Variants in ACYP2 observed in about 807,000 individuals in gnomAD.
ACYP2 encodes the protein acylphosphatase-2.
In ACYP2, 12 loss-of-function variants were observed where a neutral mutation model predicts 11.2. The observed-to-expected ratio is 1.08, with a 90% CI of 0.69 to 1.74. The LOEUF (loss-of-function observed/expected upper bound fraction) is 1.74, where lower values mean the gene tolerates loss of function less well. ACYP2 is among the 40% of genes most tolerant of loss of function. The pLI is 0.00. For missense variants in ACYP2, 134 were observed against 101.9 expected (o/e 1.31, Z -1.35); for synonymous variants, 43 against 32.2 (o/e 1.33, Z -1.13).
intron 6 of ACYP2, among the ~76,000 whole-genome samples, chr2:54,282,165 T>G (rs527265252): frequency 3.3e-5 from 5 of 152,304 alleles, no homozygotes; most frequent in African/African-American, 1.2e-4. Flanking sequence ...TAAAATCTCT[T>G]ATGAAATAAC....
At chr2:54,151,275 A>G (rs1682156768) in intron 6 of ACYP2, among the ~76,000 whole-genome samples, 1 of 152,234 alleles carries the variant, frequency 6.6e-6, no homozygotes, top group Admixed American at 6.5e-5. Flanking sequence ...GAAATGCAAC[A>G]ATGGATTTTG....
At chr2:54,245,597 C>T (rs990302951) in intron 6 of ACYP2, among the ~76,000 whole-genome samples, 19 of 150,886 alleles carry the variant, frequency 1.3e-4, no homozygotes, top group African/African-American at 4.4e-4. Context: ...TTTTGATTGG[C>T]ATTTCCTTCA....
intron 4 of ACYP2, among the ~76,000 whole-genome samples, chr2:54,074,487 C>T (rs1677221847): frequency 6.6e-6 from 1 of 151,966 alleles, no homozygotes; most frequent in Non-Finnish European, 1.5e-5. Context: ...GATGGTTGCA[C>T]AACTCTGTGA....
chr2:54,064,519 G>A (rs937939935), intron 4 of ACYP2, among the ~76,000 whole-genome samples: 1 of 152,120 alleles, frequency 6.6e-6, no homozygotes, highest in African/African-American at 2.4e-5. Flanking sequence ...CTTCCTAGTG[G>A]TAATATCTTT....
intron 2 of ACYP2, among the ~76,000 whole-genome samples, chr2:54,010,496 A>C (rs1673300657): frequency 6.6e-6 from 1 of 152,088 alleles, no homozygotes; most frequent in African/African-American, 2.4e-5. Context: ...AAAAAAAAAA[A>C]AAGTCATGAA....
rs1341498610 is a variant in ACYP2 at position 54,106,097 on chromosome 2, A to G, written c.278-29356A>G. Among the ~76,000 whole-genome samples the G allele has an allele frequency of 2.6e-5, 4 of 152,322 alleles. No homozygotes were observed. In the East Asian group the frequency reaches 7.7e-4, roughly 29 times the overall value. The stretch of plus-strand genomic sequence containing the variant: ...TAATAATCATAAAATGCCACTGCAA[A>G]TGTAAGTTAATGTACTATTCATGGA... On this transcript the variant is annotated intron_variant, in intron 4 of 6. Coordinates refer to ENST00000607452, the MANE Select transcript of ACYP2 (RefSeq NM_001320586.2).
intron 6 of ACYP2, among the ~76,000 whole-genome samples, chr2:54,199,891 G>A (rs1684685859): frequency 6.6e-6 from 1 of 152,208 alleles, no homozygotes; most frequent in Non-Finnish European, 1.5e-5. Flanking sequence ...CAATGGTTCT[G>A]TATCTTACTA....
intron 6 of ACYP2, among the ~76,000 whole-genome samples, chr2:54,272,240 C>G (rs1170411491): frequency 6.6e-6 from 1 of 152,214 alleles, no homozygotes; most frequent in South Asian, 2.1e-4. Flanking sequence ...AAAAATGGAA[C>G]ACTGAGGGGC....
intron 4 of ACYP2, among the ~76,000 whole-genome samples, chr2:54,088,529 A>G (rs6741891): frequency 0.38 from 57,167 of 152,008 alleles, 11,597 homozygotes; most frequent in East Asian, 0.71. Context: ...GTCAGAGACT[A>G]ACTGGCAAAC....
Position 54,305,000 on chromosome 2 carries a change from TTCTAAGATTA to T in ACYP2, c.*199_*208del. The T allele has an allele frequency of 2.7e-6, 1 of 376,900 alleles. No individual in the cohort carries two copies. The highest frequency in any genetic ancestry group is 4.7e-6 in the Non-Finnish European group (1 of 212,016). 23.3% of individuals were successfully genotyped at this position (376,900 alleles called of 1,614,324 possible). A position where few individuals can be genotyped will look rare whatever the true frequency, so the allele number is the denominator to read the frequency against. ...GTTTTCAACAAGCAAAAATATAGTATTCTAAGATTAAAATGTCATTACAAAATATTTAGTG... is the reference window on the plus strand; with the variant it reads ...GTTTTCAACAAGCAAAAATATAGTATAAATGTCATTACAAAATATTTAGTG... On this transcript the variant is annotated 3_prime_UTR_variant, in exon 7 of 7. Transcript: ENST00000607452.
chr2:54,061,119 G>A (rs1407830661), intron 4 of ACYP2, among the ~76,000 whole-genome samples: 3 of 152,156 alleles, frequency 2.0e-5, no homozygotes, highest in African/African-American at 7.2e-5. Flanking sequence ...GCCTCCCAAA[G>A]TGCTGGGATT....
At chr2:54,096,924 G>C (rs1468395433) in intron 4 of ACYP2, among the ~76,000 whole-genome samples, 1 of 152,124 alleles carries the variant, frequency 6.6e-6, no homozygotes, top group Non-Finnish European at 1.5e-5. Context: ...TGGCCAGGTT[G>C]GTCTTGAACT....
chr2:54,099,693 C>A (rs1317525521), intron 4 of ACYP2, among the ~76,000 whole-genome samples: 3 of 152,074 alleles, frequency 2.0e-5, no homozygotes, highest in African/African-American at 7.2e-5. Context: ...ACACTCAGGT[C>A]CATATCTTTT....
chr2:54,247,634 T>G (rs1017274903), intron 6 of ACYP2, among the ~76,000 whole-genome samples: 5 of 152,236 alleles, frequency 3.3e-5, no homozygotes, highest in Admixed American at 6.5e-5. Flanking sequence ...ATACTTCTGA[T>G]TTTAGATTCA....
intron 2 of ACYP2, among the ~76,000 whole-genome samples, chr2:54,014,592 A>G (rs1673575490): frequency 6.6e-6 from 1 of 152,130 alleles, no homozygotes; most frequent in Non-Finnish European, 1.5e-5. Context: ...AAGTGCTGGG[A>G]TTACAGGCTT....
chr2:54,110,003 G>A (rs948483620), intron 4 of ACYP2, among the ~76,000 whole-genome samples: 10 of 152,220 alleles, frequency 6.6e-5, no homozygotes, highest in African/African-American at 2.4e-4. Flanking sequence ...GGTCTCCTTA[G>A]GCTCCTGGTA....
chr2:54,069,638 G>A (rs1676923888), intron 4 of ACYP2, among the ~76,000 whole-genome samples: 1 of 151,874 alleles, frequency 6.6e-6, no homozygotes, highest in African/African-American at 2.4e-5. Flanking sequence ...CTCCAGCCTG[G>A]GTGACAGAGC....
intron 6 of ACYP2, among the ~76,000 whole-genome samples, chr2:54,156,539 G>T (rs140107900): frequency 8.7e-4 from 132 of 152,286 alleles, no homozygotes; most frequent in African/African-American, 2.9e-3. Flanking sequence ...CTGTGTTAGT[G>T]TGCTGAGGAT....
intron 6 of ACYP2, among the ~76,000 whole-genome samples, chr2:54,290,287 T>C (rs1689248078): frequency 6.6e-6 from 1 of 151,996 alleles, no homozygotes; most frequent in Admixed American, 6.5e-5. Context: ...AAGACGTGGT[T>C]TTTATAACCA....
Sources: allele counts gnomAD v4.1 joint callset (sites outside exome capture counted in the v4.1 genomes callset), GRCh38; gene constraint gnomAD v4.1.1; transcripts MANE v1.5; gene names NCBI Gene and HGNC (gene_info 2026-07-23, HGNC 2026-07-21).